The following LRCH4 variants were observed in gnomAD, a reference collection of about 807,000 sequenced individuals.
The protein encoded by LRCH4 is leucine-rich repeat and calponin homology domain-containing protein 4.
A neutral mutation model predicts 81.2 loss-of-function variants in LRCH4; 56 were observed. That is an observed-to-expected ratio of 0.69 (90% CI 0.56 to 0.86). LRCH4 has a LOEUF of 0.86. Among genes scored for constraint, LRCH4 ranks in the 40% least tolerant of loss-of-function variants. The pLI, the probability that LRCH4 is intolerant of heterozygous loss-of-function variation, is 0.00. For synonymous variants in LRCH4, 442 were observed against 409.7 expected (o/e 1.08, Z -0.95); for missense variants, 895 against 922.8 (o/e 0.97, Z 0.39).
Position 100,574,602 on chromosome 7 carries a change from C to G in LRCH4, c.*505G>C, listed in dbSNP as rs1347392845. The G allele has an allele frequency of 6.9e-6, 1 of 144,920 alleles. No individual in the cohort carries two copies. Among genetic ancestry groups the G allele is most frequent in the African/African-American group, 2.7e-5 (1 of 37,010 alleles). The allele number at this position is 144,920 out of a possible 1,614,324, so 9.0% of individuals were successfully genotyped here. On this transcript the variant is annotated 3_prime_UTR_variant, in exon 18 of 18. Transcript: ENST00000310300. ...GGGCACAGAGCCATGGCCACAGCCACCAACACGCGGAGCAGACGCGCGCGC... is the reference window on the plus strand; with the variant it reads ...GGGCACAGAGCCATGGCCACAGCCAGCAACACGCGGAGCAGACGCGCGCGC...
rs773443295 is a variant in LRCH4 at position 100,575,556 on chromosome 7, TGCAGGGCAGGGGGCATGCTGG to T, written c.1854+128_1854+148del. 37 of 1,008,488 alleles carry T rather than the reference TGCAGGGCAGGGGGCATGCTGG, an allele frequency of 3.7e-5. 1 individual carries two copies. The highest frequency in any genetic ancestry group is 2.0e-4 in the Middle Eastern group (1 of 4,932). 62.5% of individuals were successfully genotyped at this position (1,008,488 alleles called of 1,614,324 possible). Reference sequence around the variant, plus strand: ...CAGGTGACATGCAGGGCAGGGGGCATGCAGGGCAGGGGGCATGCTGGGCAGGGCAGGGGCAGCCTGTGCCTT... The same window carrying T: ...CAGGTGACATGCAGGGCAGGGGGCATGCAGGGCAGGGGCAGCCTGTGCCTT... On this transcript the variant is annotated intron_variant, in intron 17 of 17. Transcript: ENST00000310300. This position sits in a 1 kb window ranked among gnomAD's most constrained non-coding sequence, Gnocchi z 5.3.
At position 100,575,522 on chromosome 7, in the gene LRCH4, T is replaced by C. The variant is rs766227802; in HGVS notation, c.1854+183A>G. Reference sequence around the variant, plus strand: ...AAGATGGGGCCTGCAGGGCAGGGGATGTGTAGGACAGGTGACATGCAGGGC... The same window carrying C: ...AAGATGGGGCCTGCAGGGCAGGGGACGTGTAGGACAGGTGACATGCAGGGC... On this transcript the variant is annotated intron_variant, in intron 17 of 17. Coordinates refer to ENST00000310300, the MANE Select transcript of LRCH4 (RefSeq NM_002319.5). The surrounding 1 kb of genome is among the most constrained non-coding windows in gnomAD (Gnocchi z 5.3). 4 of 870,694 alleles carry C rather than the reference T, an allele frequency of 4.6e-6. No individual in the cohort carries two copies. Among genetic ancestry groups the C allele is most frequent in the South Asian group, 1.3e-5 (1 of 75,244 alleles). The allele number at this position is 870,694 out of a possible 1,614,324, so 53.9% of individuals were successfully genotyped here. A position where few individuals can be genotyped will look rare whatever the true frequency, so the allele number is the denominator to read the frequency against.
chr7:100,581,683 A>G, intron 4 of LRCH4, 94 bp downstream of exon 4: 2 of 1,021,744 alleles, frequency 2.0e-6, no homozygotes, highest in Non-Finnish European at 3.0e-6. Flanking sequence ...TGCCATGTAT[A>G]AGCTACCCGG....
chr7:100,585,947 G>A lies in LRCH4; in HGVS notation c.154C>T (p.Arg52Trp), dbSNP rs749418398. The change falls in exon 1 of 18, where the codon CGG becomes TGG. Residue 52 changes from arginine to tryptophan, a missense_variant. Arg to Trp is a moderately radical substitution (Grantham distance 101). Transcript: ENST00000310300. ...CCCCGGGGGAAGTGCTTCAAGCGCC[G>A]GTTAGACAGGTTCAGGGTCCCGGTG... ...VATGTLNLSN[R>W]RLKHFPRGAA... 1.2e-6 allele frequency: 2 copies of A among 1,612,558 alleles called. No individual in the cohort carries two copies. Among genetic ancestry groups the A allele is most frequent in the Admixed American group, 1.7e-5 (1 of 59,986 alleles).
Position 100,578,129 on chromosome 7 carries a change from C to T in LRCH4, c.948+30G>A. The T allele has an allele frequency of 8.1e-6, 13 of 1,604,584 alleles. No homozygotes were observed. Among genetic ancestry groups the T allele is most frequent in the Non-Finnish European group, 1.1e-5 (13 of 1,171,332 alleles). On this transcript the variant is annotated intron_variant, in intron 7 of 17. Coordinates refer to ENST00000310300, the MANE Select transcript of LRCH4 (RefSeq NM_002319.5). The surrounding 1 kb of genome is among the most constrained non-coding windows in gnomAD (Gnocchi z 5.7). ...GAGGTGCTCTCCCAGGGCTGACACC[C>T]TCAATCACCCATGGACAGGACGCCC...
At position 100,577,254 on chromosome 7, in the gene LRCH4, G is replaced by A. The variant is rs368512611; in HGVS notation, c.1295+19C>T. 3.3e-4 allele frequency: 534 copies of A among 1,602,814 alleles called. 1 individual carries two copies. The highest frequency in any genetic ancestry group is 4.2e-4 in the Non-Finnish European group (491 of 1,178,704). The stretch of plus-strand genomic sequence containing the variant: ...GGGCTCAGTGTCCAGCAACAGCCCC[G>A]GGCGGCCCTGGGTCCCACCTATCCT... On this transcript the variant is annotated intron_variant, in intron 11 of 17. Transcript: ENST00000310300. The surrounding 1 kb of genome is among the most constrained non-coding windows in gnomAD (Gnocchi z 6.7).
In LRCH4 at chr7:100,581,778, T is replaced by C; in HGVS notation, c.597A>G (p.Glu199=). ...TCTCCAGTTCTTCATTCTTCTCACC[T>C]TCGGGCAGCGTACTGAGCTGGTTCC... The part of the protein sequence containing the change: ...VRRNQLSTLP[E]ELGDLPLVRL... Residue 199 remains glutamate, a splice_region_variant and synonymous_variant, in exon 4 of 18, where the codon GAA becomes GAG. Transcript: ENST00000310300. 6.2e-7 allele frequency: 1 copy of C among 1,614,052 alleles called. No homozygotes were observed. Among genetic ancestry groups the C allele is most frequent in the Non-Finnish European group, 8.5e-7 (1 of 1,179,896 alleles).
rs115205235 is a variant in LRCH4, at chr7:100,578,562, C to T, written c.736-51G>A. On this transcript the variant is annotated intron_variant, in intron 5 of 17. Coordinates refer to ENST00000310300, the MANE Select transcript of LRCH4 (RefSeq NM_002319.5). The surrounding 1 kb of genome is among the most constrained non-coding windows in gnomAD (Gnocchi z 5.7). ...GGAGTTGGCAGGGAGGGCAGCTCCC[C>T]GGATCCTGCTCAGCTATCCAAGGGG... 865 of 1,600,122 alleles carry T rather than the reference C, an allele frequency of 5.4e-4. 1 individual carries two copies. The African/African-American group carries it at 8.1e-3, about 15-fold the overall frequency.
In LRCH4 at chr7:100,581,822, G is replaced by A. The variant is rs1367899449; in HGVS notation, c.553C>T (p.Arg185Trp). 12 of 1,614,034 alleles carry A rather than the reference G, an allele frequency of 7.4e-6. No homozygotes were observed. The highest frequency in any genetic ancestry group is 4.5e-5 in the East Asian group (2 of 44,900). Reference protein sequence around the residue: ...PSELCGLSSLRDLNVRRNQLS... With the variant: ...PSELCGLSSLWDLNVRRNQLS... ...TGGTTCCTCCGGACATTGAGGTCCC[G>A]CAGGGAAGAGAGGCCACACAGTTCC... The change falls in exon 4 of 18, where the codon CGG becomes TGG. Residue 185 changes from arginine (R) to tryptophan (W), a missense_variant. Coordinates refer to ENST00000310300, the MANE Select transcript of LRCH4 (RefSeq NM_002319.5).
intron 1 of LRCH4, chr7:100,584,300 C>G: frequency 2.2e-6 from 1 of 452,868 alleles, no homozygotes; most frequent in Non-Finnish European, 4.5e-6. Context: ...CCCACTTGGC[C>G]TAGAACCTGG....
chr7:100,585,154 C>G, intron 1 of LRCH4: 1 of 197,496 alleles, frequency 5.1e-6, no homozygotes, highest in Non-Finnish European at 1.1e-5. Flanking sequence ...AGTCCCTCCC[C>G]CGGGGGAAAG....
rs2131245949 is a variant in LRCH4, at chr7:100,586,073, C to T, written c.28G>A (p.Ala10Thr). ...GCTGCCGCCTCCTCACCCCCGGCGGCGAGTGGAGCCGCTACGGCCGCCGCC... is the reference window on the plus strand; with the variant it reads ...GCTGCCGCCTCCTCACCCCCGGCGGTGAGTGGAGCCGCTACGGCCGCCGCC... MAAAVAAPL[A>T]AGGEEAAATT... is the part of the protein sequence containing the mutation. Residue 10 changes from alanine (A) to threonine (T), a missense_variant, in exon 1 of 18, where the codon GCC becomes ACC. By Grantham distance (58) the Ala-to-Thr change is moderately conservative. This residue lies in a region of LRCH4 where 360 missense variants were observed against 397.0 expected (regional missense o/e 0.91). Transcript: ENST00000310300. 1.9e-6 allele frequency: 3 copies of T among 1,547,932 alleles called. No homozygotes were observed. The highest frequency in any genetic ancestry group is 1.4e-5 in the African/African-American group (1 of 72,518).
Position 100,576,724 on chromosome 7 carries a change from G to C in LRCH4, c.1522C>G (p.Leu508Val). 1 of 1,597,716 alleles carries C rather than the reference G, an allele frequency of 6.3e-7. No individual in the cohort carries two copies. Among genetic ancestry groups the C allele is most frequent in the Non-Finnish European group, 8.5e-7 (1 of 1,172,136 alleles). The change falls in exon 14 of 18, where the codon CTC becomes GTC. Residue 508 changes from leucine to valine, a missense_variant. Coordinates refer to ENST00000310300, the MANE Select transcript of LRCH4 (RefSeq NM_002319.5). ...CCACTCTGAGAGGAGGAACGGAAGA[G>C]GAAGCTGTTTGGTCTCTGAATGGAG... ...LGSIQRPNSFLFRSSSQSGSG... is the reference protein window; with the variant it reads ...LGSIQRPNSFVFRSSSQSGSG...
Position 100,575,878 on chromosome 7 carries a change from G to A in LRCH4, c.1769C>T (p.Pro590Leu). The A allele has an allele frequency of 6.2e-7, 1 of 1,613,736 alleles. No homozygotes were observed. The highest frequency in any genetic ancestry group is 8.5e-7 in the Non-Finnish European group (1 of 1,179,814). Residue 590 changes from proline to leucine, a missense_variant, in exon 16 of 18, where the codon CCT (proline) becomes CTT (leucine). By Grantham distance (98) the Pro-to-Leu change is moderately conservative (BLOSUM62 -3). Coordinates refer to ENST00000310300, the MANE Select transcript of LRCH4 (RefSeq NM_002319.5). This position sits in a 1 kb window ranked among gnomAD's most constrained non-coding sequence, Gnocchi z 5.3. ...RSVPFIHVPS[P>L]AVPKLSALKA... is the part of the protein sequence containing the mutation. ...TCCCCAGCCCCAACTGACCACAGCA[G>A]GGGAGGGCACATGGATGAAGGGCAC... is the stretch of plus-strand genomic sequence containing the variant.
rs1801418026 is a variant in LRCH4 at position 100,577,720 on chromosome 7, T to A, written c.1060A>T (p.Ile354Phe). ...GGGACATGGCTGTCGATGAAGTCAA[T>A]CTGCACAGGGTCTCCGTCCGCTGGG... ...DGSADGDPVQ[I>F]DFIDSHVPGE... Residue 354 changes from isoleucine (I) to phenylalanine (F), a missense_variant, in exon 9 of 18, where the codon ATT becomes TTT. Physicochemically the swap from Ile to Phe is conservative, Grantham distance 21. Around this residue, in one of 3 missense-constraint regions of LRCH4, gnomAD observed 529 missense variants for 504.9 expected, o/e 1.05. Transcript: ENST00000310300. The surrounding 1 kb of genome is among the most constrained non-coding windows in gnomAD (Gnocchi z 6.7). 6.2e-7 allele frequency: 1 copy of A among 1,613,950 alleles called. No homozygotes were observed. The highest frequency in any genetic ancestry group is 8.5e-7 in the Non-Finnish European group (1 of 1,180,008).
chr7:100,575,285 G>A lies in LRCH4; in HGVS notation c.1874C>T (p.Ser625Leu), dbSNP rs1369354156. The part of the protein sequence containing the change: ...GVPEADLCSP[S>L]DLLQGTARGL... ...CCGGGCAGTGCCCTGGAGGAGATCCGAGGGCGAGCACAGGTCAGCCTGGGG... is the reference window on the plus strand; with the variant it reads ...CCGGGCAGTGCCCTGGAGGAGATCCAAGGGCGAGCACAGGTCAGCCTGGGG... The change falls in exon 18 of 18, where the codon TCG (serine) becomes TTG (leucine). Residue 625 changes from serine to leucine, a missense_variant. Physicochemically the swap from Ser to Leu is moderately radical, Grantham distance 145. Coordinates refer to ENST00000310300, the MANE Select transcript of LRCH4 (RefSeq NM_002319.5). This position sits in a 1 kb window ranked among gnomAD's most constrained non-coding sequence, Gnocchi z 5.3. 1.4e-5 allele frequency: 22 copies of A among 1,558,490 alleles called. No homozygotes were observed. The highest frequency in any genetic ancestry group is 1.7e-4 in the Middle Eastern group (1 of 5,952).
In LRCH4 at chr7:100,583,462, G is replaced by T. The variant is rs367724927; in HGVS notation, c.221-1003C>A. ...CTGTCCTGGGAGGGGCCCAGGGCCC[G>T]CGAGGCGGAGTCCCAGGCCACAGAC... On this transcript the variant is annotated intron_variant, in intron 1 of 17. Coordinates refer to ENST00000310300, the MANE Select transcript of LRCH4 (RefSeq NM_002319.5). This position sits in a 1 kb window ranked among gnomAD's most constrained non-coding sequence, Gnocchi z 4.3. Among the ~76,000 whole-genome samples, 1 of 152,162 alleles carries T rather than the reference G, an allele frequency of 6.6e-6. No individual in the cohort carries two copies. The highest frequency in any genetic ancestry group is 1.5e-5 in the Non-Finnish European group (1 of 68,014).
Position 100,575,441 on chromosome 7 carries a change from T to C in LRCH4, c.1855-137A>G, listed in dbSNP as rs1801320397. On this transcript the variant is annotated intron_variant, in intron 17 of 17. Coordinates refer to ENST00000310300, the MANE Select transcript of LRCH4 (RefSeq NM_002319.5). This position sits in a 1 kb window ranked among gnomAD's most constrained non-coding sequence, Gnocchi z 5.3. The stretch of plus-strand genomic sequence containing the variant: ...ATGCTGACGTGCTGGGCAGGGGGAG[T>C]GCAGTGCAGGAGGAGTGCAGGGCAG... 3 of 902,588 alleles carry C rather than the reference T, an allele frequency of 3.3e-6. No homozygotes were observed. The Admixed American group carries it at 6.1e-5, about 18-fold the overall frequency. The allele number at this position is 902,588 out of a possible 1,614,324, so 55.9% of individuals were successfully genotyped here. A position where few individuals can be genotyped will look rare whatever the true frequency, so the allele number is the denominator to read the frequency against.
At chr7:100,576,475 G>C in intron 14 of LRCH4, 152 bp from the exon 15 acceptor site, 1 of 675,446 alleles carries the variant, frequency 1.5e-6, no homozygotes, top group East Asian at 2.7e-5. Flanking sequence ...TGTTGCCCAG[G>C]CTGGTCTTGA....
Sources: allele counts gnomAD v4.1 joint callset (sites outside exome capture counted in the v4.1 genomes callset), GRCh38; gene constraint gnomAD v4.1.1; regional missense constraint gnomAD v4.1.1; non-coding constraint Gnocchi (gnomAD v3.1); transcripts MANE v1.5; gene names NCBI Gene and HGNC (gene_info 2026-07-23, HGNC 2026-07-21).